CRPPA: variants seen among roughly 807,000 people sequenced by gnomAD.
The protein encoded by CRPPA is CDP-L-ribitol pyrophosphorylase A.
Under a neutral mutation model 52.0 loss-of-function variants are expected in CRPPA, and 43 were observed. That is an observed-to-expected ratio of 0.83 (90% CI 0.65 to 1.07). CRPPA has a LOEUF of 1.07. Among genes scored for constraint, CRPPA ranks in the 50% least tolerant of loss-of-function variants. The pLI is 0.00. For missense variants in CRPPA, 629 were observed against 551.7 expected, an observed-to-expected ratio of 1.14 and a Z score of -1.40; for synonymous variants, 250 against 203.5, an observed-to-expected ratio of 1.23 and a Z score of -1.94.
At chr7:16,185,657 C>A (rs1334352709) in intron 9 of CRPPA, among the ~76,000 whole-genome samples, 2 of 152,060 alleles carry the variant, frequency 1.3e-5, no homozygotes, top group African/African-American at 4.8e-5. Flanking sequence ...ATAGTAATTG[C>A]AATATGAGAA....
rs891628695 is a variant in CRPPA, at chr7:16,421,389, C to T, written c.-67G>A. On this transcript the variant is annotated 5_prime_UTR_variant, in exon 1 of 10. Transcript: ENST00000407010. ...TGCGACCCCGCGCTGCTCCCACCCTCGGCCGGGGTCGCGGGGCGAAGGGCA... is the reference window on the plus strand; with the variant it reads ...TGCGACCCCGCGCTGCTCCCACCCTTGGCCGGGGTCGCGGGGCGAAGGGCA... 3 of 1,210,544 alleles carry T rather than the reference C, an allele frequency of 2.5e-6. No homozygotes were observed. The highest frequency in any genetic ancestry group is 6.7e-5 in the East Asian group (2 of 29,882). The allele number at this position is 1,210,544 out of a possible 1,614,324, so 75.0% of individuals were successfully genotyped here. A position where few individuals can be genotyped will look rare whatever the true frequency, so the allele number is the denominator to read the frequency against.
chr7:16,333,324 C>T (rs1302977192), intron 3 of CRPPA, among the ~76,000 whole-genome samples: 1 of 152,184 alleles, frequency 6.6e-6, no homozygotes, highest in Non-Finnish European at 1.5e-5. Context: ...ACATGTGCTT[C>T]TCAGACTCAT....
chr7:16,304,294 C>A (rs988229826), intron 4 of CRPPA, among the ~76,000 whole-genome samples: 2 of 151,892 alleles, frequency 1.3e-5, no homozygotes, highest in African/African-American at 4.8e-5. Context: ...GTACCGTGGC[C>A]ATTTTCTACC....
chr7:16,160,872 C>G (rs950598161), intron 9 of CRPPA, among the ~76,000 whole-genome samples: 4 of 152,122 alleles, frequency 2.6e-5, no homozygotes, highest in African/African-American at 9.7e-5. Flanking sequence ...TGAAGAGGTC[C>G]TTCACATCTC....
intron 5 of CRPPA, among the ~76,000 whole-genome samples, chr7:16,286,316 C>CA (rs139936001): frequency 0.22 from 32,446 of 150,680 alleles, 4,011 homozygotes; most frequent in East Asian, 0.37. Context: ...AAGCCTCATC[C>CA]AATCAAATGA....
intron 5 of CRPPA, among the ~76,000 whole-genome samples, chr7:16,295,349 G>A (rs1245961599): frequency 1.3e-5 from 2 of 151,674 alleles, no homozygotes; most frequent in African/African-American, 4.8e-5. Flanking sequence ...CATAATAACT[G>A]GAAAAAAGAT....
intron 3 of CRPPA, among the ~76,000 whole-genome samples, chr7:16,319,802 T>C (rs1785218758): frequency 6.6e-6 from 1 of 152,152 alleles, no homozygotes; most frequent in African/African-American, 2.4e-5. Context: ...TCTCCCGGTA[T>C]AGACAGAGAA....
At chr7:16,355,641 G>A (rs112764998) in intron 3 of CRPPA, among the ~76,000 whole-genome samples, 3 of 152,310 alleles carry the variant, frequency 2.0e-5, no homozygotes, top group African/African-American at 7.2e-5. Flanking sequence ...AGAAATTAAA[G>A]TCTGTGACCA....
intron 9 of CRPPA, among the ~76,000 whole-genome samples, chr7:16,129,560 A>G (rs1205463037): frequency 6.6e-6 from 1 of 152,106 alleles, no homozygotes; most frequent in African/African-American, 2.4e-5. Context: ...TTATGCCACA[A>G]TACCAGATAT....
intron 9 of CRPPA, among the ~76,000 whole-genome samples, chr7:16,213,861 T>C (rs1782225452): frequency 6.6e-6 from 1 of 152,204 alleles, no homozygotes; most frequent in East Asian, 1.9e-4. Context: ...GTCATGTCTA[T>C]AGGATTATTT....
chr7:16,387,068 T>TATATATATATATATATATATACAC (rs1787300005), intron 2 of CRPPA, among the ~76,000 whole-genome samples: 2 of 68,754 alleles, frequency 2.9e-5, no homozygotes, highest in African/African-American at 7.7e-5. Flanking sequence ...TATATATATA[T>TATATATATATATATATATATACAC]ATATATATAT....
At chr7:16,137,883 T>C (rs937168064) in intron 9 of CRPPA, among the ~76,000 whole-genome samples, 1 of 152,194 alleles carries the variant, frequency 6.6e-6, no homozygotes, top group Non-Finnish European at 1.5e-5. Flanking sequence ...TGATGAATTG[T>C]ACAATAAATG....
chr7:16,337,068 C>T (rs573077627), intron 3 of CRPPA, among the ~76,000 whole-genome samples: 7 of 151,720 alleles, frequency 4.6e-5, no homozygotes, highest in Admixed American at 2.6e-4. Context: ...AAAAATGGAC[C>T]GACCATTGAG....
At chr7:16,262,710 C>T (rs1011603203) in intron 6 of CRPPA, among the ~76,000 whole-genome samples, 25 of 152,226 alleles carry the variant, frequency 1.6e-4, no homozygotes, top group Non-Finnish European at 2.5e-4. Flanking sequence ...AAAGGATTCT[C>T]CTTGGCTCTC....
At chr7:16,257,115 A>G (rs574427411) in intron 8 of CRPPA, among the ~76,000 whole-genome samples, 1 of 152,210 alleles carries the variant, frequency 6.6e-6, no homozygotes, top group South Asian at 2.1e-4. Context: ...ATAACAACTT[A>G]AGAAGTAGAG....
At chr7:16,218,334 A>C (rs1444316781) in intron 8 of CRPPA, among the ~76,000 whole-genome samples, 3 of 131,536 alleles carry the variant, frequency 2.3e-5, no homozygotes, top group Non-Finnish European at 3.2e-5. Flanking sequence ...CCGCTGCAAA[A>C]TCATGCCAAA....
chr7:16,421,451 G>T lies in CRPPA; in HGVS notation c.-129C>A. The stretch of plus-strand genomic sequence containing the variant: ...GGGACGCAGAGCGCGCAAGCAGAAG[G>T]CGCCCCCCTCAGCCGTCGGAGCCCC... On this transcript the variant is annotated 5_prime_UTR_variant, in exon 1 of 10. Coordinates refer to ENST00000407010, the MANE Select transcript of CRPPA (RefSeq NM_001101426.4). The T allele has an allele frequency of 1.0e-6, 1 of 957,584 alleles. No individual in the cohort carries two copies. Among genetic ancestry groups the T allele is most frequent in the Non-Finnish European group, 1.3e-6 (1 of 745,778 alleles). The allele number at this position is 957,584 out of a possible 1,614,324, so 59.3% of individuals were successfully genotyped here.
At chr7:16,264,917 C>T (rs544305155) in intron 6 of CRPPA, among the ~76,000 whole-genome samples, 1 of 152,162 alleles carries the variant, frequency 6.6e-6, no homozygotes, top group Non-Finnish European at 1.5e-5. Context: ...AACGTCGTTG[C>T]TGTGTGACTT....
At chr7:16,297,301 C>A (rs1784693975) in intron 5 of CRPPA, among the ~76,000 whole-genome samples, 1 of 152,114 alleles carries the variant, frequency 6.6e-6, no homozygotes, top group Non-Finnish European at 1.5e-5. Context: ...CAATGTCCTC[C>A]AAGTCTTGGT....
Sources: gnomAD v4.1 joint callset for allele counts (sites outside exome capture counted in the v4.1 genomes callset) on GRCh38, gnomAD v4.1.1 for gene constraint, MANE v1.5 for transcripts, NCBI Gene and HGNC (gene_info 2026-07-23, HGNC 2026-07-21) for gene names.